Variants in SACM1L observed in about 807,000 individuals in gnomAD.
The protein encoded by SACM1L is SAC1 like phosphatidylinositide phosphatase.
In SACM1L, 32 loss-of-function variants were observed where a neutral mutation model predicts 89.5. The ratio of observed to expected loss-of-function variants is 0.36; its 90% confidence interval spans 0.27 to 0.48. SACM1L has a LOEUF of 0.48. SACM1L is among the 20% of genes least tolerant of loss of function. The probability of loss-of-function intolerance (pLI) is 0.99; values close to 1 mark genes in which losing one functional copy is unlikely to be tolerated. For missense variants in SACM1L, 543 were observed against 708.5 expected, an observed-to-expected ratio of 0.77 and a Z score of 2.65; for synonymous variants, 213 against 232.8, an observed-to-expected ratio of 0.92 and a Z score of 0.77.
intron 19 of SACM1L, among the ~76,000 whole-genome samples, chr3:45,740,196 CCTG>C (rs1699285775): frequency 6.6e-6 from 1 of 152,134 alleles, no homozygotes; most frequent in South Asian, 2.1e-4. Context: ...GCATTCATCT[CCTG>C]CTCAGTAAAT....
chr3:45,693,326 T>C (rs1969624), intron 1 of SACM1L, among the ~76,000 whole-genome samples: 73,380 of 152,052 alleles, frequency 0.48, 18,240 homozygotes, highest in Middle Eastern at 0.57. Flanking sequence ...GTACCTAACA[T>C]AGAGCCTTGT....
At chr3:45,725,093 G>A (rs1314876013) in intron 11 of SACM1L, among the ~76,000 whole-genome samples, 2 of 152,130 alleles carry the variant, frequency 1.3e-5, no homozygotes, top group African/African-American at 2.4e-5. Context: ...ACAGCTTTGT[G>A]TAATAAGTTT....
chr3:45,738,876 A>T lies in SACM1L; in HGVS notation c.1569+3A>T. ...CAAGGGACTGGAAATTCCTGGCTGTAAGAAACCATTTTGTATTTTTCAAGT... is the reference window on the plus strand; with the variant it reads ...CAAGGGACTGGAAATTCCTGGCTGTTAGAAACCATTTTGTATTTTTCAAGT... On this transcript the variant is annotated splice_donor_region_variant and intron_variant, in intron 18 of 19. Transcript: ENST00000389061. 6.3e-7 allele frequency: 1 copy of T among 1,575,778 alleles called. No individual in the cohort carries two copies. The highest frequency in any genetic ancestry group is 8.7e-7 in the Non-Finnish European group (1 of 1,149,812).
rs575660180 is a variant in SACM1L, at chr3:45,737,057, G to A, written c.1240-526G>A. Reference sequence around the variant, plus strand: ...GGTCTCCAAAGGGGAGTCTATAGAGGGGATTCAGGGGGCCCAGCAACCCTG... The same window carrying A: ...GGTCTCCAAAGGGGAGTCTATAGAGAGGATTCAGGGGGCCCAGCAACCCTG... On this transcript the variant is annotated intron_variant, in intron 14 of 19. Transcript: ENST00000389061. 1.1e-3 allele frequency among the ~76,000 whole-genome samples: 174 copies of A among 152,238 alleles called. 1 individual carries two copies. Among genetic ancestry groups the A allele is most frequent in the South Asian group, 2.5e-3 (12 of 4,820 alleles).
chr3:45,720,083 A>G (rs948997373), intron 8 of SACM1L, among the ~76,000 whole-genome samples: 3 of 152,190 alleles, frequency 2.0e-5, no homozygotes, highest in African/African-American at 7.2e-5. Context: ...GCTTACTGTC[A>G]TTATGAAAAG....
At chr3:45,716,647 C>T (rs1371447150) in intron 7 of SACM1L, among the ~76,000 whole-genome samples, 1 of 151,790 alleles carries the variant, frequency 6.6e-6, no homozygotes, top group Non-Finnish European at 1.5e-5. Context: ...TAAATGTGAT[C>T]GGGGCCTGTG....
intron 1 of SACM1L, among the ~76,000 whole-genome samples, chr3:45,697,269 CTTTTT>C (rs869095037): frequency 2.2e-5 from 2 of 92,120 alleles, no homozygotes; most frequent in African/African-American, 4.3e-5. Flanking sequence ...TTTTCTTTTC[CTTTTT>C]TTTTTTTTTT....
intron 1 of SACM1L, among the ~76,000 whole-genome samples, chr3:45,691,229 C>G (rs952108187): frequency 2.0e-5 from 3 of 152,072 alleles, no homozygotes; most frequent in African/African-American, 7.3e-5. Context: ...TCAGTCCTAG[C>G]TTTTTTTCCC....
At chr3:45,692,025 C>T (rs1698004849) in intron 1 of SACM1L, among the ~76,000 whole-genome samples, 1 of 152,176 alleles carries the variant, frequency 6.6e-6, no homozygotes, top group Non-Finnish European at 1.5e-5. Flanking sequence ...AGCCTTTTCC[C>T]CACTTCTGCA....
At chr3:45,700,990 A>C (rs1443541234) in intron 1 of SACM1L, among the ~76,000 whole-genome samples, 1 of 152,206 alleles carries the variant, frequency 6.6e-6, no homozygotes, top group Admixed American at 6.5e-5. Flanking sequence ...TTTTTAATGG[A>C]GAGAAGGCTG....
In SACM1L at chr3:45,743,513, T is replaced by A; in HGVS notation, c.1628-20T>A. On this transcript the variant is annotated intron_variant, in intron 19 of 19. Transcript: ENST00000389061. ...ATCAACAAACGACTTATTTAGCTTT[T>A]TGTTTCTTAATATCAACAGGTGACA... 1 of 1,593,800 alleles carries A rather than the reference T, an allele frequency of 6.3e-7. No homozygotes were observed. The highest frequency in any genetic ancestry group is 8.5e-7 in the Non-Finnish European group (1 of 1,172,714).
Position 45,722,770 on chromosome 3 carries a change from C to T in SACM1L, c.766-99C>T, listed in dbSNP as rs547030752. The T allele has an allele frequency of 6.1e-5, 48 of 781,998 alleles. No individual in the cohort carries two copies. The South Asian group carries it at 8.3e-4, about 14-fold the overall frequency. 48.4% of individuals were successfully genotyped at this position (781,998 alleles called of 1,614,324 possible). A position where few individuals can be genotyped will look rare whatever the true frequency, so the allele number is the denominator to read the frequency against. The stretch of plus-strand genomic sequence containing the variant: ...TGTCGGTAGATTGTATTAGTTTTTT[C>T]CCTTGCATATTCATTAATATATACA... On this transcript the variant is annotated intron_variant, in intron 9 of 19. Coordinates refer to ENST00000389061, the MANE Select transcript of SACM1L (RefSeq NM_014016.5).
At chr3:45,708,291 G>T (rs1011922409) in intron 4 of SACM1L, among the ~76,000 whole-genome samples, 3 of 152,068 alleles carry the variant, frequency 2.0e-5, no homozygotes, top group African/African-American at 7.2e-5. Context: ...GAATGGCATT[G>T]CCCTGTTCTG....
intron 11 of SACM1L, among the ~76,000 whole-genome samples, chr3:45,724,631 T>C (rs1698874737): frequency 6.6e-6 from 1 of 152,272 alleles, no homozygotes; most frequent in African/African-American, 2.4e-5. Context: ...GGTATACAAA[T>C]TGTTTAAGTC....
Position 45,706,793 on chromosome 3 carries a change from A to G in SACM1L, c.219A>G (p.Ile73Met), listed in dbSNP as rs372202949. 83 of 1,608,290 alleles carry G rather than the reference A, an allele frequency of 5.2e-5. No individual in the cohort carries two copies. Among genetic ancestry groups the G allele is most frequent in the Non-Finnish European group, 7.0e-5 (82 of 1,176,286 alleles). ...TGCTTTTTGCAGGTAATTATCTTAT[A>G]GTCATTACCAAAAAGATAAAAGTAG... Reference protein sequence around the residue: ...TIHLVAGNYLIVITKKIKVGE... With the variant: ...TIHLVAGNYLMVITKKIKVGE... The change falls in exon 4 of 20, where the codon ATA (isoleucine) becomes ATG (methionine). Residue 73 changes from isoleucine (I) to methionine (M), a missense_variant. By Grantham distance (10) the Ile-to-Met change is conservative. Around this residue, in one of 2 missense-constraint regions of SACM1L, gnomAD observed 173 missense variants for 180.9 expected, o/e 0.96. Transcript: ENST00000389061.
At chr3:45,695,825 A>G (rs1698109667) in intron 1 of SACM1L, among the ~76,000 whole-genome samples, 1 of 151,798 alleles carries the variant, frequency 6.6e-6, no homozygotes, top group Non-Finnish European at 1.5e-5. Flanking sequence ...ACAACTCCCC[A>G]TTTCTGTATC....
intron 5 of SACM1L, 90 bp downstream of exon 5, chr3:45,709,737 C>A: frequency 1.7e-6 from 2 of 1,166,694 alleles, no homozygotes; most frequent in Non-Finnish European, 2.4e-6. Flanking sequence ...TGATTTTTCT[C>A]AGTCCTGGCT....
chr3:45,742,490 C>G (rs1344514461), intron 19 of SACM1L, among the ~76,000 whole-genome samples: 5 of 152,186 alleles, frequency 3.3e-5, no homozygotes, highest in Admixed American at 2.0e-4. Context: ...GTATGTATTT[C>G]TCCTTCTGCA....
intron 11 of SACM1L, among the ~76,000 whole-genome samples, chr3:45,726,317 A>C (rs1698916284): frequency 6.6e-6 from 1 of 151,828 alleles, no homozygotes; most frequent in African/African-American, 2.4e-5. Context: ...TTCACTAGTA[A>C]AGCCATCTAG....
Sources: gnomAD v4.1 joint callset for allele counts (sites outside exome capture counted in the v4.1 genomes callset) on GRCh38, gnomAD v4.1.1 for gene constraint, gnomAD v4.1.1 regional missense constraint, MANE v1.5 for transcripts, NCBI Gene and HGNC (gene_info 2026-07-23, HGNC 2026-07-21) for gene names.